ZC3HAV1: variants seen among roughly 807,000 people sequenced by gnomAD.
The protein encoded by ZC3HAV1 is zinc finger CCCH-type antiviral protein 1.
In ZC3HAV1, 41 loss-of-function variants were observed where a neutral mutation model predicts 86.6. The ratio of observed to expected loss-of-function variants is 0.47; its 90% CI spans 0.37 to 0.61. The LOEUF (loss-of-function observed/expected upper bound fraction) is 0.61. Among genes scored for constraint, ZC3HAV1 ranks in the 20% least tolerant of loss-of-function variants. The pLI is 0.00. For missense variants in ZC3HAV1, 964 were observed against 1,141.1 expected (o/e 0.84, Z 2.24); for synonymous variants, 421 against 432.1 (o/e 0.97, Z 0.32).
intron 1 of ZC3HAV1, 48 bp from the exon 2 acceptor site, chr7:139,089,807 A>C: frequency 1.3e-6 from 2 of 1,539,084 alleles, no homozygotes; most frequent in Non-Finnish European, 1.7e-6. Context: ...CACAGATGCA[A>C]AGAAACAGAA....
At chr7:139,100,561 CAAACA>C (rs1172869495) in intron 1 of ZC3HAV1, among the ~76,000 whole-genome samples, 1 of 149,594 alleles carries the variant, frequency 6.7e-6, no homozygotes, top group Non-Finnish European at 1.5e-5. Flanking sequence ...AAAACAAAAA[CAAACA>C]AAAAAAACCA....
chr7:139,052,606 C>CAAAAAA (rs35386659), intron 12 of ZC3HAV1, among the ~76,000 whole-genome samples: 1 of 64,974 alleles, frequency 1.5e-5, no homozygotes, highest in Non-Finnish European at 3.5e-5. Context: ...ACTCTGTCTC[C>CAAAAAA]AAAAAAAAAA....
intron 7 of ZC3HAV1, among the ~76,000 whole-genome samples, chr7:139,067,774 G>A (rs532851870): frequency 3.9e-5 from 6 of 152,042 alleles, no homozygotes; most frequent in Non-Finnish European, 7.4e-5. Context: ...CAAGTTTTAC[G>A]TGGCACAGGA....
At chr7:139,063,624 T>C (rs951720954) in intron 8 of ZC3HAV1, among the ~76,000 whole-genome samples, 1 of 150,230 alleles carries the variant, frequency 6.7e-6, no homozygotes, top group African/African-American at 2.5e-5. Flanking sequence ...GTTGGGAGGC[T>C]GAGGTGACAG....
chr7:139,107,437 T>C (rs1324703626), intron 1 of ZC3HAV1, among the ~76,000 whole-genome samples: 1 of 152,244 alleles, frequency 6.6e-6, no homozygotes, highest in Admixed American at 6.5e-5. Flanking sequence ...TCTAAAACAC[T>C]TACCTTTGTG....
intron 1 of ZC3HAV1, among the ~76,000 whole-genome samples, chr7:139,097,420 A>ATTTTT (rs1563140627): frequency 1.3e-4 from 10 of 79,168 alleles, no homozygotes; most frequent in African/African-American, 6.1e-4. Flanking sequence ...ATATATATAT[A>ATTTTT]TATATATATT....
At chr7:139,060,685 A>AC (rs1563126109) in intron 9 of ZC3HAV1, 1 of 1,093,798 alleles carries the variant, frequency 9.1e-7, no homozygotes, top group African/African-American at 1.7e-5. Flanking sequence ...AAAAAAAAAA[A>AC]AAAAAAAAGA....
rs764240120 is a variant in ZC3HAV1 at position 139,083,733 on chromosome 7, A to G, written c.697+47T>C. The G allele has an allele frequency of 9.2e-6, 14 of 1,521,260 alleles. No homozygotes were observed. In the East Asian group the frequency reaches 2.5e-4, roughly 28 times the overall value. The allele number at this position is 1,521,260 out of a possible 1,614,324, so 94.2% of individuals were successfully genotyped here. On this transcript the variant is annotated intron_variant, in intron 3 of 12. Coordinates refer to ENST00000242351, the MANE Select transcript of ZC3HAV1 (RefSeq NM_020119.4). ...CAGAGAGAGACTCTGTCTCAAAAAA[A>G]AAAAAAAAAAAAGAGTTCACACAAT... is the stretch of plus-strand genomic sequence containing the variant.
Position 139,083,867 on chromosome 7 carries a change from C to T in ZC3HAV1, c.610G>A (p.Glu204Lys), listed in dbSNP as rs374920344. Residue 204 changes from glutamate (E) to lysine (K), a missense_variant, in exon 3 of 13, where the codon GAG becomes AAG. By Grantham distance (56) the Glu-to-Lys change is moderately conservative. Transcript: ENST00000242351. Reference sequence around the variant, plus strand: ...ACCACGTCGGGGTTCAGCCCGTGCTCCCTCATGATGGCCAGCACCTTTCTG... The same window carrying T: ...ACCACGTCGGGGTTCAGCCCGTGCTTCCTCATGATGGCCAGCACCTTTCTG... Reference protein sequence around the residue: ...MDRKVLAIMREHGLNPDVVQN... With the variant: ...MDRKVLAIMRKHGLNPDVVQN... 1.9e-6 allele frequency: 3 copies of T among 1,614,020 alleles called. No homozygotes were observed. The highest frequency in any genetic ancestry group is 2.5e-6 in the Non-Finnish European group (3 of 1,180,028).
At chr7:139,056,786 A>C (rs1816299047) in intron 9 of ZC3HAV1, among the ~76,000 whole-genome samples, 1 of 152,222 alleles carries the variant, frequency 6.6e-6, no homozygotes, top group South Asian at 2.1e-4. Flanking sequence ...TATTTATGAC[A>C]CAAATCAACC....
intron 8 of ZC3HAV1, among the ~76,000 whole-genome samples, chr7:139,062,327 A>T (rs954351399): frequency 6.6e-6 from 1 of 152,172 alleles, no homozygotes; most frequent in Non-Finnish European, 1.5e-5. Flanking sequence ...CCAAGTTTCT[A>T]TCACTGCTCT....
chr7:139,045,812 A>G lies in ZC3HAV1; in HGVS notation c.*1782T>C, dbSNP rs1469226178. 1.3e-5 allele frequency: 2 copies of G among 152,068 alleles called. No homozygotes were observed. Among genetic ancestry groups the G allele is most frequent in the Non-Finnish European group, 2.9e-5 (2 of 68,016 alleles). The allele number at this position is 152,068 out of a possible 1,614,324, so 9.4% of individuals were successfully genotyped here. The stretch of plus-strand genomic sequence containing the variant: ...GTCAAGTTCAGAAAATGAACACTCC[A>G]AAACGAAAGTTACCATGAAAGAAAT... On this transcript the variant is annotated 3_prime_UTR_variant, in exon 13 of 13. Coordinates refer to ENST00000242351, the MANE Select transcript of ZC3HAV1 (RefSeq NM_020119.4).
At chr7:139,059,888 G>A (rs1302319004) in intron 9 of ZC3HAV1, among the ~76,000 whole-genome samples, 1 of 152,190 alleles carries the variant, frequency 6.6e-6, no homozygotes, top group Non-Finnish European at 1.5e-5. Context: ...TTCGGAATGT[G>A]TTACCCAAGC....
rs10716830 is a variant in ZC3HAV1 at position 139,086,017 on chromosome 7, G to GA, written c.445-1986dup. On this transcript the variant is annotated intron_variant, in intron 2 of 12. Coordinates refer to ENST00000242351, the MANE Select transcript of ZC3HAV1 (RefSeq NM_020119.4). Reference sequence around the variant, plus strand: ...CAGAGTGAGACTCCATCTCAAAAAAGAAAAAAAAAAAAATCCAAATTGCCC... The same window carrying GA: ...CAGAGTGAGACTCCATCTCAAAAAAGAAAAAAAAAAAAAATCCAAATTGCCC... Among the ~76,000 whole-genome samples, 875 of 137,916 alleles carry GA rather than the reference G, an allele frequency of 6.3e-3. 5 individuals are homozygous for GA. Among genetic ancestry groups the GA allele is most frequent in the African/African-American group, 0.021 (775 of 37,736 alleles). The allele number at this position is 137,916 out of a possible 152,430, so 90.5% of individuals were successfully genotyped here. A position where few individuals can be genotyped will look rare whatever the true frequency, so the allele number is the denominator to read the frequency against.
At chr7:139,092,485 G>C (rs951029637) in intron 1 of ZC3HAV1, among the ~76,000 whole-genome samples, 1 of 152,244 alleles carries the variant, frequency 6.6e-6, no homozygotes, top group Non-Finnish European at 1.5e-5. Flanking sequence ...CTCCAGCCCA[G>C]ACGTCCTGAA....
intron 9 of ZC3HAV1, among the ~76,000 whole-genome samples, chr7:139,060,147 T>A (rs1584842632): frequency 6.6e-6 from 1 of 152,350 alleles, no homozygotes; most frequent in Non-Finnish European, 1.5e-5. Flanking sequence ...TTTCCATTCT[T>A]AGATTCTTGC....
chr7:139,098,767 AGCTC>A (rs1246387256), intron 1 of ZC3HAV1, among the ~76,000 whole-genome samples: 1 of 152,226 alleles, frequency 6.6e-6, no homozygotes, highest in Non-Finnish European at 1.5e-5. Context: ...ACCTGAGACC[AGCTC>A]CCCTGCTGCA....
At chr7:139,095,798 A>T (rs1817568738) in intron 1 of ZC3HAV1, among the ~76,000 whole-genome samples, 1 of 152,068 alleles carries the variant, frequency 6.6e-6, no homozygotes, top group Admixed American at 6.6e-5. Flanking sequence ...CCCATTAAAA[A>T]CCATCTAGGG....
At chr7:139,097,424 A>ATTTTTTTTTTTTTTTTT (rs1278585081) in intron 1 of ZC3HAV1, among the ~76,000 whole-genome samples, 4 of 81,236 alleles carry the variant, frequency 4.9e-5, no homozygotes, top group African/African-American at 1.4e-4. Flanking sequence ...ATATATATAT[A>ATTTTTTTTTTTTTTTTT]TATATTTTTT....
Sources: gnomAD v4.1 joint callset for allele counts (sites outside exome capture counted in the v4.1 genomes callset) on GRCh38, gnomAD v4.1.1 for gene constraint, MANE v1.5 for transcripts, NCBI Gene and HGNC (gene_info 2026-07-23, HGNC 2026-07-21) for gene names.